USP34: variants seen among roughly 807,000 people sequenced by gnomAD.
The protein encoded by USP34 is ubiquitin specific peptidase 34.
A neutral mutation model predicts 460.3 loss-of-function variants in USP34; 70 were observed. That is an observed-to-expected ratio of 0.15 (90% CI 0.13 to 0.19). USP34 has a LOEUF of 0.19. USP34 is among the 10% of genes least tolerant of loss of function. USP34 has a pLI of 1.00. For synonymous variants in USP34, 1,647 were observed against 1,405.3 expected (o/e 1.17, Z -3.85); for missense variants, 3,985 against 4,236.2 (o/e 0.94, Z 1.65).
At chr2:61,202,774 C>A (rs1209743383) in intron 75 of USP34, among the ~76,000 whole-genome samples, 1 of 152,142 alleles carries the variant, frequency 6.6e-6, no homozygotes, top group Non-Finnish European at 1.5e-5. Flanking sequence ...TCTCATCGCA[C>A]CCTCAAGAGC....
At chr2:61,189,941 T>A (rs1215823350) in intron 78 of USP34, 3 of 196,262 alleles carry the variant, frequency 1.5e-5, no homozygotes, top group African/African-American at 6.9e-5. Context: ...TCATTAATTG[T>A]TTCAGTTACA....
chr2:61,256,764 A>T, intron 47 of USP34, 109 bp downstream of exon 47: 2 of 791,250 alleles, frequency 2.5e-6, no homozygotes, highest in Non-Finnish European at 3.8e-6. Flanking sequence ...AGAAGAAAAT[A>T]CATAAAAACA....
intron 1 of USP34, among the ~76,000 whole-genome samples, chr2:61,454,707 A>C (rs559762615): frequency 6.7e-6 from 1 of 149,584 alleles, no homozygotes; most frequent in Non-Finnish European, 1.5e-5. Context: ...CCACCACCAC[A>C]CCCAGCTTAT....
intron 38 of USP34, 46 bp from the exon 39 acceptor site, chr2:61,280,394 TAA>T: frequency 1.1e-6 from 1 of 937,230 alleles, no homozygotes; most frequent in Non-Finnish European, 1.5e-6. Context: ...TAAAAATAAA[TAA>T]AATTATAATA....
rs545431802 is a variant in USP34 at position 61,215,112 on chromosome 2, T to C, written c.8048-418A>G. On this transcript the variant is annotated intron_variant, in intron 67 of 79. Transcript: ENST00000398571. ...CTACAGTCTTAGTTTTCTTCTTAAT[T>C]GAAAAATAATGATAATTTACTTTGT... Among the ~76,000 whole-genome samples, 643 of 152,276 alleles carry C rather than the reference T, an allele frequency of 4.2e-3. 1 individual carries two copies. Among genetic ancestry groups the C allele is most frequent in the Non-Finnish European group, 7.3e-3 (498 of 68,010 alleles).
chr2:61,219,636 A>T (rs1687500908), intron 67 of USP34, among the ~76,000 whole-genome samples: 1 of 150,474 alleles, frequency 6.6e-6, no homozygotes, highest in Non-Finnish European at 1.5e-5. Flanking sequence ...GCACCACTGC[A>T]CTCCAGCCTG....
chr2:61,246,494 A>C lies in USP34; in HGVS notation c.6395-17T>G. The C allele has an allele frequency of 6.8e-7, 1 of 1,479,586 alleles. No individual in the cohort carries two copies. The allele number at this position is 1,479,586 out of a possible 1,614,324, so 91.7% of individuals were successfully genotyped here. A position where few individuals can be genotyped will look rare whatever the true frequency, so the allele number is the denominator to read the frequency against. On this transcript the variant is annotated splice_polypyrimidine_tract_variant and intron_variant, in intron 49 of 79. Coordinates refer to ENST00000398571, the MANE Select transcript of USP34 (RefSeq NM_014709.4). The stretch of plus-strand genomic sequence containing the variant: ...CTTTAAAACCTGAAATGATTTACAC[A>C]GAATGGAAATAATTTTCCAAACTTC...
At chr2:61,341,598 T>C (rs932592252) in intron 16 of USP34, among the ~76,000 whole-genome samples, 1 of 151,876 alleles carries the variant, frequency 6.6e-6, no homozygotes, top group African/African-American at 2.4e-5. Flanking sequence ...ACTTCTGCCA[T>C]GAGACCCCTG....
intron 72 of USP34, 105 bp downstream of exon 72, chr2:61,205,912 A>T: frequency 2.4e-6 from 2 of 829,656 alleles, no homozygotes; most frequent in Middle Eastern, 4.7e-4. Flanking sequence ...TACACATAAA[A>T]AGCACAAGTA....
Position 61,406,308 on chromosome 2 carries a change from G to A in USP34, c.132-180C>T, listed in dbSNP as rs1284436755. On this transcript the variant is annotated intron_variant, in intron 2 of 79. Transcript: ENST00000398571. ...CATCGCAACAACAACTGATATTTTAGTTAGTGTAAAGTCATCATGTTAGGT... is the reference window on the plus strand; with the variant it reads ...CATCGCAACAACAACTGATATTTTAATTAGTGTAAAGTCATCATGTTAGGT... Among the ~76,000 whole-genome samples, 4 of 151,982 alleles carry A rather than the reference G, an allele frequency of 2.6e-5. No homozygotes were observed. In the East Asian group the frequency reaches 7.7e-4, roughly 29 times the overall value.
intron 1 of USP34, among the ~76,000 whole-genome samples, chr2:61,422,148 G>C (rs1473848925): frequency 6.6e-6 from 1 of 152,158 alleles, no homozygotes; most frequent in Non-Finnish European, 1.5e-5. Flanking sequence ...AACTAGGACA[G>C]AATAAGATAT....
intron 5 of USP34, among the ~76,000 whole-genome samples, chr2:61,388,788 C>T (rs1009485870): frequency 6.0e-5 from 9 of 148,868 alleles, no homozygotes; most frequent in South Asian, 2.1e-4. Flanking sequence ...TATATATGTA[C>T]ACACACACAC....
intron 1 of USP34, among the ~76,000 whole-genome samples, chr2:61,468,511 T>G (rs1695852942): frequency 6.6e-6 from 1 of 152,218 alleles, no homozygotes; most frequent in African/African-American, 2.4e-5. Context: ...GAAGCATCAC[T>G]GTGAGATTAT....
chr2:61,346,527 T>TTAA (rs1691772819), intron 15 of USP34, among the ~76,000 whole-genome samples: 1 of 44,254 alleles, frequency 2.3e-5, no homozygotes, highest in South Asian at 9.2e-4. Context: ...CCCTATCTCT[T>TTAA]AAAAAAAAAA....
chr2:61,247,036 G>C (rs1019422378), intron 49 of USP34, among the ~76,000 whole-genome samples: 1 of 151,872 alleles, frequency 6.6e-6, no homozygotes, highest in Non-Finnish European at 1.5e-5. Flanking sequence ...ATATATATCA[G>C]TTAATAAAAA....
At chr2:61,327,899 A>T (rs1691142926) in intron 20 of USP34, among the ~76,000 whole-genome samples, 1 of 152,172 alleles carries the variant, frequency 6.6e-6, no homozygotes. Flanking sequence ...AAGATATGAA[A>T]CTTTAGTAAC....
chr2:61,347,597 C>T (rs181532744), intron 15 of USP34, among the ~76,000 whole-genome samples: 201 of 152,304 alleles, frequency 1.3e-3, no homozygotes, highest in South Asian at 8.3e-3. Context: ...TGGTCTCAAA[C>T]TCCTGACCTC....
At chr2:61,351,597 A>C (rs988504870) in intron 10 of USP34, among the ~76,000 whole-genome samples, 3 of 152,316 alleles carry the variant, frequency 2.0e-5, no homozygotes, top group Non-Finnish European at 2.9e-5. Flanking sequence ...ACATAAAAAA[A>C]TCTATTAAAA....
At chr2:61,335,121 C>T (rs2103740101) in intron 18 of USP34, among the ~76,000 whole-genome samples, 1 of 152,066 alleles carries the variant, frequency 6.6e-6, no homozygotes, top group African/African-American at 2.4e-5. Context: ...TAATAAAACA[C>T]AGAATGGGAA....
Sources: allele counts gnomAD v4.1 joint callset (sites outside exome capture counted in the v4.1 genomes callset), GRCh38; gene constraint gnomAD v4.1.1; transcripts MANE v1.5; gene names NCBI Gene and HGNC (gene_info 2026-07-23, HGNC 2026-07-21).